STIM2: variants seen among roughly 807,000 people sequenced by gnomAD.
STIM2 encodes the protein stromal interaction molecule 2.
STIM2 carries 31 observed loss-of-function variants against 85.8 expected under a neutral mutation model. That is an observed-to-expected ratio of 0.36 (90% CI 0.27 to 0.49). The LOEUF is 0.49. Among genes scored for constraint, STIM2 ranks in the 20% least tolerant of loss-of-function variants. The pLI is 0.98. For synonymous variants in STIM2, 356 were observed against 331.1 expected, an observed-to-expected ratio of 1.08 and a Z score of -0.82; for missense variants, 841 against 927.6, an observed-to-expected ratio of 0.91 and a Z score of 1.21.
rs1728179527 is a variant in STIM2, at chr4:27,002,223, C to T, written c.632C>T (p.Pro211Leu). The T allele has an allele frequency of 1.9e-6, 3 of 1,606,692 alleles. No homozygotes were observed. The highest frequency in any genetic ancestry group is 1.7e-5 in the Admixed American group (1 of 58,650). Residue 211 changes from proline to leucine, a missense_variant, in exon 6 of 12, where the codon CCT (proline) becomes CTT (leucine). Physicochemically the swap from Pro to Leu is moderately conservative, Grantham distance 98. Around this residue, in one of 3 missense-constraint regions of STIM2, gnomAD observed 408 missense variants for 525.4 expected, o/e 0.78. Transcript: ENST00000467087. ...TCTGTAATTCTTTTAATAGGCCCAC[C>T]TCATAACTGGATGAAAGATTTTATC... is the stretch of plus-strand genomic sequence containing the variant.
chr4:26,978,983 T>C (rs1285531769), intron 3 of STIM2, among the ~76,000 whole-genome samples: 3 of 152,218 alleles, frequency 2.0e-5, no homozygotes, highest in Non-Finnish European at 4.4e-5. Context: ...AAATGGATTT[T>C]CTGAAAGGCC....
At chr4:26,917,887 G>A (rs982178896) in intron 1 of STIM2, among the ~76,000 whole-genome samples, 1 of 152,034 alleles carries the variant, frequency 6.6e-6, no homozygotes, top group Non-Finnish European at 1.5e-5. Flanking sequence ...CTTCTATTTT[G>A]CATCTTTTAA....
chr4:26,892,219 C>G (rs530204577), intron 1 of STIM2, among the ~76,000 whole-genome samples: 76 of 152,294 alleles, frequency 5.0e-4, no homozygotes, highest in African/African-American at 1.8e-3. Context: ...ACGAATACAT[C>G]AGGCTTTAAG....
At chr4:26,973,247 G>A (rs1036223771) in intron 3 of STIM2, among the ~76,000 whole-genome samples, 1 of 152,012 alleles carries the variant, frequency 6.6e-6, no homozygotes, top group Non-Finnish European at 1.5e-5. Context: ...TTTCAGTTCT[G>A]CTCTGATCTT....
chr4:27,001,912 A>G (rs180875927), intron 5 of STIM2, among the ~76,000 whole-genome samples: 110 of 152,250 alleles, frequency 7.2e-4, no homozygotes, highest in Admixed American at 7.1e-3. Flanking sequence ...CTGGCAGCAT[A>G]TGATTGGAGG....
At chr4:26,998,959 A>G (rs1728054932) in intron 4 of STIM2, among the ~76,000 whole-genome samples, 1 of 152,008 alleles carries the variant, frequency 6.6e-6, no homozygotes, top group African/African-American at 2.4e-5. Context: ...AAATCATAGT[A>G]AGTCATAACA....
chr4:26,863,663 T>C (rs1239920149), intron 1 of STIM2, among the ~76,000 whole-genome samples: 1 of 152,102 alleles, frequency 6.6e-6, no homozygotes, highest in Non-Finnish European at 1.5e-5. Flanking sequence ...CAAAATACTG[T>C]GGTGTGGTAT....
At chr4:26,961,648 G>C (rs1048769126) in intron 3 of STIM2, among the ~76,000 whole-genome samples, 1 of 152,178 alleles carries the variant, frequency 6.6e-6, no homozygotes, top group Non-Finnish European at 1.5e-5. Context: ...TATGGAGGTA[G>C]CTCACTGGAG....
chr4:27,001,715 A>G (rs1398026297), intron 5 of STIM2, among the ~76,000 whole-genome samples: 1 of 152,218 alleles, frequency 6.6e-6, no homozygotes, highest in Non-Finnish European at 1.5e-5. Flanking sequence ...ACCAGCCTTG[A>G]GAACCACTGA....
intron 2 of STIM2, among the ~76,000 whole-genome samples, chr4:26,937,740 G>A (rs1363910998): frequency 1.3e-5 from 2 of 152,016 alleles, no homozygotes; most frequent in Admixed American, 6.6e-5. Context: ...AATCACCTTC[G>A]CCATATGGCT....
intron 10 of STIM2, among the ~76,000 whole-genome samples, chr4:27,012,921 C>T (rs892837233): frequency 3.3e-5 from 5 of 151,902 alleles, no homozygotes; most frequent in South Asian, 2.1e-4. Context: ...AGTGATCATT[C>T]GTTTTTTATT....
At chr4:26,989,201 G>A (rs1727681107) in intron 3 of STIM2, among the ~76,000 whole-genome samples, 1 of 152,092 alleles carries the variant, frequency 6.6e-6, no homozygotes, top group Non-Finnish European at 1.5e-5. Flanking sequence ...TCCCAAAGTG[G>A]TAGGATTACA....
chr4:26,934,709 T>C (rs538911429), intron 2 of STIM2, among the ~76,000 whole-genome samples: 18 of 151,244 alleles, frequency 1.2e-4, no homozygotes, highest in African/African-American at 4.1e-4. Context: ...AGGTCAGGAG[T>C]TTGAGACCAG....
chr4:26,979,202 C>A (rs2109111905), intron 3 of STIM2, among the ~76,000 whole-genome samples: 1 of 152,254 alleles, frequency 6.6e-6, no homozygotes, highest in East Asian at 1.9e-4. Flanking sequence ...TACCTAGAAT[C>A]TCCAAACATG....
intron 4 of STIM2, among the ~76,000 whole-genome samples, chr4:26,997,729 A>G (rs929443028): frequency 3.9e-5 from 6 of 152,260 alleles, no homozygotes; most frequent in African/African-American, 1.4e-4. Flanking sequence ...TTGGGGATAC[A>G]GAGATACGAC....
intron 7 of STIM2, among the ~76,000 whole-genome samples, chr4:27,006,636 C>G (rs1560237848): frequency 6.6e-6 from 1 of 152,040 alleles, no homozygotes; most frequent in Non-Finnish European, 1.5e-5. Flanking sequence ...TGTGTCTTTC[C>G]TTAGTGAGGC....
intron 3 of STIM2, among the ~76,000 whole-genome samples, chr4:26,978,215 T>C (rs902854763): frequency 6.7e-6 from 1 of 150,000 alleles, no homozygotes; most frequent in African/African-American, 2.4e-5. Flanking sequence ...TTTTAAATGA[T>C]AGGAGATTTT....
intron 3 of STIM2, 138 bp from the exon 4 acceptor site, chr4:26,995,241 G>A: frequency 2.3e-6 from 1 of 443,002 alleles, no homozygotes; most frequent in Non-Finnish European, 4.1e-6. Flanking sequence ...CTCATAGAGT[G>A]CTAGATACAG....
Position 27,017,845 on chromosome 4 carries a change from C to T in STIM2, c.1624C>T (p.Arg542Trp), listed in dbSNP as rs753878084. Residue 542 changes from arginine to tryptophan, a missense_variant, in exon 11 of 12, where the codon CGG (arginine) becomes TGG (tryptophan). By Grantham distance (101) the Arg-to-Trp change is moderately radical. Around this residue, in one of 3 missense-constraint regions of STIM2, gnomAD observed 293 missense variants for 284.5 expected, o/e 1.03. Coordinates refer to ENST00000467087, the MANE Select transcript of STIM2 (RefSeq NM_020860.4). ...ACACGCCCCCCACCCGTCACACCCT[C>T]GGCACCCTCACCACCCGCAACACAC... 5.0e-6 allele frequency: 8 copies of T among 1,614,046 alleles called. No individual in the cohort carries two copies. The highest frequency in any genetic ancestry group is 1.7e-5 in the Admixed American group (1 of 60,000).
Sources: gnomAD v4.1 joint callset for allele counts (sites outside exome capture counted in the v4.1 genomes callset) on GRCh38, gnomAD v4.1.1 for gene constraint, gnomAD v4.1.1 regional missense constraint, MANE v1.5 for transcripts, NCBI Gene and HGNC (gene_info 2026-07-23, HGNC 2026-07-21) for gene names.